Variants in ARHGAP15 observed in about 807,000 individuals in gnomAD.
ARHGAP15 encodes the protein Rho GTPase activating protein 15.
In ARHGAP15, 51 loss-of-function variants were observed where a neutral mutation model predicts 63.7. That is an observed-to-expected ratio of 0.80 (90% CI 0.64 to 1.01). The LOEUF (loss-of-function observed/expected upper bound fraction) is 1.01, where lower values mean the gene tolerates loss of function less well. Among genes scored for constraint, ARHGAP15 ranks in the 50% least tolerant of loss-of-function variants. The pLI is 0.00. For missense variants in ARHGAP15, 560 were observed against 564.6 expected, an observed-to-expected ratio of 0.99 and a Z score of 0.08; for synonymous variants, 191 against 193.8, an observed-to-expected ratio of 0.99 and a Z score of 0.12.
chr2:143,243,466 A>C (rs1693939282), intron 5 of ARHGAP15, among the ~76,000 whole-genome samples: 1 of 152,148 alleles, frequency 6.6e-6, no homozygotes, highest in Non-Finnish European at 1.5e-5. Context: ...TTCTATTTTA[A>C]GTTTACCCCA....
intron 4 of ARHGAP15, among the ~76,000 whole-genome samples, chr2:143,217,350 G>T (rs1340447804): frequency 1.3e-5 from 2 of 152,034 alleles, no homozygotes; most frequent in Admixed American, 1.3e-4. Context: ...TTTGGAGGGG[G>T]GTGGAGAAAT....
At chr2:143,633,428 T>C (rs1473147791) in intron 12 of ARHGAP15, among the ~76,000 whole-genome samples, 1 of 152,154 alleles carries the variant, frequency 6.6e-6, no homozygotes, top group African/African-American at 2.4e-5. Flanking sequence ...TAGAAGGTGA[T>C]TCAGAATTAA....
At chr2:143,465,206 C>G (rs1164219357) in intron 8 of ARHGAP15, among the ~76,000 whole-genome samples, 1 of 152,080 alleles carries the variant, frequency 6.6e-6, no homozygotes, top group Non-Finnish European at 1.5e-5. Flanking sequence ...CAGCCAAAGG[C>G]TCTAAGATGA....
intron 6 of ARHGAP15, among the ~76,000 whole-genome samples, chr2:143,335,747 A>G (rs893339718): frequency 1.3e-4 from 20 of 152,186 alleles, no homozygotes; most frequent in African/African-American, 4.8e-4. Flanking sequence ...GAAACCGTAG[A>G]GTCCCATAGG....
intron 8 of ARHGAP15, chr2:143,480,670 A>G (rs532920254): frequency 6.6e-6 from 1 of 152,324 alleles, no homozygotes; most frequent in East Asian, 1.9e-4. Flanking sequence ...TTCTATTTAC[A>G]CTGAGCAAGT....
chr2:143,219,303 TA>T (rs1256263040), intron 4 of ARHGAP15, among the ~76,000 whole-genome samples: 3 of 152,242 alleles, frequency 2.0e-5, no homozygotes, highest in African/African-American at 4.8e-5. Context: ...GGCTATGCCA[TA>T]TAGCCTAGCG....
intron 2 of ARHGAP15, among the ~76,000 whole-genome samples, chr2:143,178,653 C>T (rs1421300422): frequency 6.6e-6 from 1 of 151,978 alleles, no homozygotes; most frequent in Non-Finnish European, 1.5e-5. Flanking sequence ...AGAGATGTGT[C>T]TCGCTGTGTT....
intron 6 of ARHGAP15, 107 bp downstream of exon 6, chr2:143,250,707 C>G (rs569995157): frequency 1.2e-6 from 1 of 856,004 alleles, no homozygotes; most frequent in Admixed American, 2.5e-5. Flanking sequence ...TGTACATGAA[C>G]TCGTTGTCTG....
intron 6 of ARHGAP15, among the ~76,000 whole-genome samples, chr2:143,362,115 A>G (rs1168882994): frequency 1.3e-5 from 2 of 152,086 alleles, no homozygotes; most frequent in African/African-American, 4.8e-5. Context: ...TTTTCCTCCA[A>G]AAGGCCATTC....
intron 6 of ARHGAP15, among the ~76,000 whole-genome samples, chr2:143,411,955 C>T (rs934392422): frequency 6.6e-6 from 1 of 152,088 alleles, no homozygotes; most frequent in African/African-American, 2.4e-5. Flanking sequence ...AGTCCAAAAG[C>T]TCAGGTCTTG....
chr2:143,394,826 G>T (rs1250780732), intron 6 of ARHGAP15, among the ~76,000 whole-genome samples: 1 of 152,126 alleles, frequency 6.6e-6, no homozygotes, highest in Admixed American at 6.6e-5. Context: ...AGTTTTCAGA[G>T]AGCAATGAGA....
chr2:143,555,553 C>T (rs183367773), intron 10 of ARHGAP15, among the ~76,000 whole-genome samples: 8 of 151,976 alleles, frequency 5.3e-5, no homozygotes, highest in East Asian at 1.9e-4. Context: ...TCATTGTCCT[C>T]GTAACGTGGC....
At chr2:143,250,701 C>A in intron 6 of ARHGAP15, 101 bp downstream of exon 6, 1 of 895,032 alleles carries the variant, frequency 1.1e-6, no homozygotes, top group Admixed American at 2.3e-5. Context: ...TGCTCATGTA[C>A]ATGAACTCGT....
chr2:143,359,249 T>C (rs1685939012), intron 6 of ARHGAP15, among the ~76,000 whole-genome samples: 1 of 152,180 alleles, frequency 6.6e-6, no homozygotes. Flanking sequence ...ATACTTTCAT[T>C]GAAGTTCATT....
At chr2:143,227,397 T>C (rs1232208096) in intron 4 of ARHGAP15, among the ~76,000 whole-genome samples, 3 of 152,194 alleles carry the variant, frequency 2.0e-5, no homozygotes, top group Non-Finnish European at 4.4e-5. Context: ...TGCTAAGCAT[T>C]GTGGATACCT....
chr2:143,158,119 A>T lies in ARHGAP15; in HGVS notation c.165+2464A>T, dbSNP rs115608288. On this transcript the variant is annotated intron_variant, in intron 2 of 13. Transcript: ENST00000295095. ...TACTGGACTATATAATAACACAAGGATCTGATATTACATTCATCATGACTT... is the reference window on the plus strand; with the variant it reads ...TACTGGACTATATAATAACACAAGGTTCTGATATTACATTCATCATGACTT... Among the ~76,000 whole-genome samples, 604 of 152,022 alleles carry T rather than the reference A, an allele frequency of 4.0e-3. 3 individuals are homozygous for T. Among genetic ancestry groups the T allele is most frequent in the Non-Finnish European group, 7.3e-3 (495 of 67,892 alleles).
At chr2:143,654,075 GTTAT>G (rs1681310088) in intron 12 of ARHGAP15, among the ~76,000 whole-genome samples, 1 of 152,124 alleles carries the variant, frequency 6.6e-6, no homozygotes, top group Non-Finnish European at 1.5e-5. Flanking sequence ...GAAGCTATTG[GTTAT>G]TTAAGCAATA....
chr2:143,478,942 G>A (rs1180155025), intron 8 of ARHGAP15, among the ~76,000 whole-genome samples: 1 of 152,088 alleles, frequency 6.6e-6, no homozygotes, highest in Non-Finnish European at 1.5e-5. Flanking sequence ...CTTTACTAAA[G>A]ATACATTGTA....
intron 10 of ARHGAP15, among the ~76,000 whole-genome samples, chr2:143,540,508 G>A (rs1694996585): frequency 2.0e-5 from 3 of 152,062 alleles, no homozygotes; most frequent in African/African-American, 7.2e-5. Context: ...TTTGCAGTGG[G>A]TGGTACCGGT....
Sources: allele counts gnomAD v4.1 joint callset (sites outside exome capture counted in the v4.1 genomes callset), GRCh38; gene constraint gnomAD v4.1.1; transcripts MANE v1.5; gene names NCBI Gene and HGNC (gene_info 2026-07-23, HGNC 2026-07-21).